The following ANKRD30BL variants were observed in gnomAD, a reference collection of about 807,000 sequenced individuals.
ANKRD30BL encodes the protein ankyrin repeat domain 30B like.
ANKRD30BL carries 20 observed loss-of-function variants against 18.4 expected under a neutral mutation model. The ratio of observed to expected loss-of-function variants is 1.09; its 90% CI spans 0.77 to 1.58. ANKRD30BL has a LOEUF of 1.58. ANKRD30BL is among the 40% of genes most tolerant of loss of function. ANKRD30BL has a pLI of 0.00. For synonymous variants in ANKRD30BL, 72 were observed against 100.9 expected, an observed-to-expected ratio of 0.71 and a Z score of 1.72; for missense variants, 224 against 268.6, an observed-to-expected ratio of 0.83 and a Z score of 1.16.
chr2:132,222,375 C>A (rs1448139558), intron 1 of ANKRD30BL, among the ~76,000 whole-genome samples: 2 of 151,908 alleles, frequency 1.3e-5, no homozygotes, highest in Non-Finnish European at 2.9e-5. Context: ...ATGACAATGG[C>A]GGTTTTGTGG....
intron 1 of ANKRD30BL, among the ~76,000 whole-genome samples, chr2:132,247,386 A>T (rs1680533681): frequency 6.6e-6 from 1 of 151,812 alleles, no homozygotes; most frequent in African/African-American, 2.4e-5. Flanking sequence ...CAACTGATGG[A>T]GTTGAGCCTT....
intron 1 of ANKRD30BL, among the ~76,000 whole-genome samples, chr2:132,221,510 T>G (rs1216981678): frequency 1.8e-5 from 2 of 114,248 alleles, no homozygotes; most frequent in African/African-American, 4.1e-5. Flanking sequence ...GAGGAGCCCC[T>G]CTGCCTGGCC....
At chr2:132,169,431 G>A (rs1431326214) in intron 1 of ANKRD30BL, among the ~76,000 whole-genome samples, 2 of 143,796 alleles carry the variant, frequency 1.4e-5, no homozygotes, top group Non-Finnish European at 1.6e-5. Flanking sequence ...GGCACATCAG[G>A]AGGTCAAGAG....
chr2:132,203,662 T>A (rs2104749807), intron 1 of ANKRD30BL, among the ~76,000 whole-genome samples: 1 of 151,952 alleles, frequency 6.6e-6, no homozygotes, highest in African/African-American at 2.4e-5. Flanking sequence ...ATTAGTGTGA[T>A]GACATACTTG....
intron 1 of ANKRD30BL, among the ~76,000 whole-genome samples, chr2:132,222,708 C>T (rs1679723767): frequency 6.6e-6 from 1 of 151,828 alleles, no homozygotes; most frequent in African/African-American, 2.4e-5. Flanking sequence ...CGGAAGGCCG[C>T]AGGGTCCTCT....
At chr2:132,241,750 A>C (rs1430546404) in intron 1 of ANKRD30BL, among the ~76,000 whole-genome samples, 3 of 151,870 alleles carry the variant, frequency 2.0e-5, no homozygotes, top group African/African-American at 4.8e-5. Context: ...CAACTCACAG[A>C]GTTGAATTTT....
At chr2:132,210,943 C>T (rs1263780131) in intron 1 of ANKRD30BL, among the ~76,000 whole-genome samples, 9 of 151,936 alleles carry the variant, frequency 5.9e-5, no homozygotes, top group Non-Finnish European at 1.2e-4. Flanking sequence ...GCATTCATCT[C>T]ACAGAGTTGA....
rs551311345 is a variant in ANKRD30BL at position 132,207,522 on chromosome 2, T to C, written n.441+50007A>G. Among the ~76,000 whole-genome samples the C allele has an allele frequency of 2.0e-3, 303 of 152,282 alleles. 1 individual carries two copies. Among genetic ancestry groups the C allele is most frequent in the Non-Finnish European group, 3.9e-3 (265 of 68,026 alleles). On this transcript the variant is annotated intron_variant and non_coding_transcript_variant, in intron 1 of 4. Transcript: ENST00000470729. ...AAACCATAAGGTCCTCCACGTGAAT[T>C]GGTAGAAGTATTTTTTACAAAGGTA...
chr2:132,242,303 C>G lies in ANKRD30BL; in HGVS notation n.441+15226G>C, dbSNP rs1228961774. Among the ~76,000 whole-genome samples, 11 of 151,714 alleles carry G rather than the reference C, an allele frequency of 7.3e-5. 1 individual carries two copies. The highest frequency in any genetic ancestry group is 5.9e-4 in the Admixed American group (9 of 15,156). ...TTTCATGGAGAAGTTTTCAAACACTCTTTTTTTAGAATCTGCAAGTGGATA... is the reference window on the plus strand; with the variant it reads ...TTTCATGGAGAAGTTTTCAAACACTGTTTTTTTAGAATCTGCAAGTGGATA... On this transcript the variant is annotated intron_variant and non_coding_transcript_variant, in intron 1 of 4. Coordinates refer to the ANKRD30BL transcript ENST00000470729.
chr2:132,201,070 T>G (rs367558009), intron 1 of ANKRD30BL, among the ~76,000 whole-genome samples: 36 of 151,792 alleles, frequency 2.4e-4, no homozygotes, highest in East Asian at 5.8e-4. Context: ...AATAAATGGT[T>G]CTGGGAAAAC....
At chr2:132,212,913 C>T (rs185773207) in intron 1 of ANKRD30BL, among the ~76,000 whole-genome samples, 1 of 151,902 alleles carries the variant, frequency 6.6e-6, no homozygotes, top group Non-Finnish European at 1.5e-5. Context: ...TTGAAACAAT[C>T]GTTTTGTAGA....
At chr2:132,183,893 T>A (rs148644220) in intron 1 of ANKRD30BL, among the ~76,000 whole-genome samples, 1,905 of 151,412 alleles carry the variant, frequency 0.013, 39 homozygotes, top group African/African-American at 0.043. Flanking sequence ...AAGGTGGGGG[T>A]GAAAGTGGGA....
chr2:132,208,456 C>A (rs1679253289), intron 1 of ANKRD30BL, among the ~76,000 whole-genome samples: 1 of 152,062 alleles, frequency 6.6e-6, no homozygotes, highest in Non-Finnish European at 1.5e-5. Flanking sequence ...TTCTCTGGAG[C>A]ATATCAACCG....
At chr2:132,249,771 C>G (rs1414065454) in intron 1 of ANKRD30BL, among the ~76,000 whole-genome samples, 1 of 150,878 alleles carries the variant, frequency 6.6e-6, no homozygotes, top group South Asian at 2.1e-4. Context: ...CACACACAAC[C>G]AGGAATTTTC....
chr2:132,210,421 G>T (rs138503206), intron 1 of ANKRD30BL, among the ~76,000 whole-genome samples: 2 of 151,954 alleles, frequency 1.3e-5, no homozygotes, highest in African/African-American at 2.4e-5. Flanking sequence ...TGTGATTTGT[G>T]CATTCAACAC....
chr2:132,257,083 C>G (rs752300417), intron 1 of ANKRD30BL: 1 of 485,506 alleles, frequency 2.1e-6, no homozygotes, highest in Admixed American at 2.1e-5. Context: ...TCGGCACCAC[C>G]GAGACCCGCC....
chr2:132,237,350 C>G lies in ANKRD30BL; in HGVS notation n.441+20179G>C, dbSNP rs367711992. Among the ~76,000 whole-genome samples, 4 of 151,960 alleles carry G rather than the reference C, an allele frequency of 2.6e-5. No individual in the cohort carries two copies. In the South Asian group the frequency reaches 6.2e-4, roughly 24 times the overall value. ...GGGTGTACTCAACTCACAGTTAAAACTTTCCTTTGATACAGCAGTTTTGAA... is the reference window on the plus strand; with the variant it reads ...GGGTGTACTCAACTCACAGTTAAAAGTTTCCTTTGATACAGCAGTTTTGAA... On this transcript the variant is annotated intron_variant and non_coding_transcript_variant, in intron 1 of 4. Coordinates refer to the ANKRD30BL transcript ENST00000470729.
At chr2:132,148,410 A>C (rs1393724246) in intron 5 of ANKRD30BL, among the ~76,000 whole-genome samples, 182 bp from the exon 6 acceptor site, 1 of 112,052 alleles carries the variant, frequency 8.9e-6, no homozygotes. Flanking sequence ...TCTGTTGCCC[A>C]GGCTGGAGTG....
At chr2:132,248,962 T>C (rs1680576871) in intron 1 of ANKRD30BL, among the ~76,000 whole-genome samples, 2 of 152,076 alleles carry the variant, frequency 1.3e-5, no homozygotes, top group Admixed American at 6.6e-5. Context: ...TGATATTTCC[T>C]TTTTCACCAT....
Sources: gnomAD v4.1 joint callset for allele counts (sites outside exome capture counted in the v4.1 genomes callset) on GRCh38, gnomAD v4.1.1 for gene constraint, MANE v1.5 for transcripts, NCBI Gene and HGNC (gene_info 2026-07-23, HGNC 2026-07-21) for gene names.